RIPOR3: variants seen among roughly 807,000 people sequenced by gnomAD.
The protein encoded by RIPOR3 is RIPOR family member 3.
RIPOR3 carries 95 observed loss-of-function variants against 114.3 expected under a neutral mutation model. That is an observed-to-expected ratio of 0.83 (90% CI 0.70 to 0.99). The LOEUF is 0.99. RIPOR3 is among the 50% of genes least tolerant of loss of function. The pLI is 0.00. For missense variants in RIPOR3, 1,252 were observed against 1,266.9 expected, an observed-to-expected ratio of 0.99 and a Z score of 0.18; for synonymous variants, 575 against 543.8, an observed-to-expected ratio of 1.06 and a Z score of -0.80.
At chr20:50,615,248 G>T (rs576199542) in intron 4 of RIPOR3, among the ~76,000 whole-genome samples, 1 of 151,654 alleles carries the variant, frequency 6.6e-6, no homozygotes, top group Non-Finnish European at 1.5e-5. Context: ...GCCTTGGCTG[G>T]CACAGTGCCT....
At chr20:50,617,835 G>A (rs1051063757) in intron 3 of RIPOR3, among the ~76,000 whole-genome samples, 4 of 150,086 alleles carry the variant, frequency 2.7e-5, no homozygotes, top group Non-Finnish European at 5.9e-5. Flanking sequence ...TGTTGGCCAC[G>A]CTGGTCTCAA....
intron 17 of RIPOR3, 49 bp from the exon 18 acceptor site, chr20:50,593,245 C>CA (rs759656371): frequency 2.3e-5 from 36 of 1,583,028 alleles, no homozygotes; most frequent in African/African-American, 1.1e-4. Context: ...CTCGACCCTC[C>CA]ACGCTTCTCA....
Position 50,597,703 on chromosome 20 carries a change from C to T in RIPOR3, c.1667G>A (p.Arg556Lys), listed in dbSNP as rs1403774520. 3 of 1,612,250 alleles carry T rather than the reference C, an allele frequency of 1.9e-6. No homozygotes were observed. Among genetic ancestry groups the T allele is most frequent in the Admixed American group, 1.7e-5 (1 of 59,866 alleles). Residue 556 changes from arginine (R) to lysine (K), a missense_variant, in exon 14 of 22, where the codon AGA (arginine) becomes AAA (lysine). Arg to Lys is a conservative substitution (Grantham distance 26, BLOSUM62 2). Transcript: ENST00000327979. ...GGCCGAGGTGTGCTCCTGCCGTGCTCTGCAGGGCTGTGGACGAAGTGGCCA... is the reference window on the plus strand; with the variant it reads ...GGCCGAGGTGTGCTCCTGCCGTGCTTTGCAGGGCTGTGGACGAAGTGGCCA... ...LGFRDRLKPC[R>K]ARQEHTSAES... is the part of the protein sequence containing the mutation.
At chr20:50,679,364 C>A (rs1477586399) in intron 1 of RIPOR3, among the ~76,000 whole-genome samples, 1 of 150,478 alleles carries the variant, frequency 6.6e-6, no homozygotes, top group African/African-American at 2.4e-5. Flanking sequence ...TGGACTGGGC[C>A]GGGCACGGTG....
At chr20:50,605,001 C>A (rs931309883) in intron 11 of RIPOR3, among the ~76,000 whole-genome samples, 1 of 152,236 alleles carries the variant, frequency 6.6e-6, no homozygotes, top group Non-Finnish European at 1.5e-5. Context: ...CAGCTCACTG[C>A]ATCCTTGAAC....
At chr20:50,627,299 G>A (rs1464615261) in intron 2 of RIPOR3, among the ~76,000 whole-genome samples, 4 of 150,198 alleles carry the variant, frequency 2.7e-5, no homozygotes, top group South Asian at 2.1e-4. Flanking sequence ...TCAGGAGTTC[G>A]AGACCAGCCT....
intron 1 of RIPOR3, among the ~76,000 whole-genome samples, chr20:50,682,148 C>T (rs776300679): frequency 3.9e-5 from 6 of 152,112 alleles, no homozygotes; most frequent in East Asian, 1.9e-4. Context: ...AAAGCAGAAC[C>T]GTGTATGTAG....
In RIPOR3 at chr20:50,602,316, C is replaced by T. The variant is rs543434720; in HGVS notation, c.1415G>A (p.Gly472Asp). Residue 472 changes from glycine (G) to aspartate (D), a missense_variant, in exon 13 of 22, where the codon GGC becomes GAC. Transcript: ENST00000327979. This position sits in a 1 kb window ranked among gnomAD's most constrained non-coding sequence, Gnocchi z 4.3. ...LSGGPFAEQP[G>D]WRNLGGESPS... ...GCTCTCCCCTCCTAAGTTCCTCCAG[C>T]CAGGCTGCTCTGCAAACGGGCCTCC... 3.7e-6 allele frequency: 6 copies of T among 1,613,928 alleles called. No individual in the cohort carries two copies. The Admixed American group carries it at 8.3e-5, about 22-fold the overall frequency.
chr20:50,666,453 A>T lies in RIPOR3; in HGVS notation c.3+24673T>A, dbSNP rs569990137. Among the ~76,000 whole-genome samples the T allele has an allele frequency of 6.0e-5, 9 of 150,756 alleles. No homozygotes were observed. In the East Asian group the frequency reaches 1.6e-3, roughly 27 times the overall value. On this transcript the variant is annotated intron_variant, in intron 1 of 21. Coordinates refer to ENST00000327979, the MANE Select transcript of RIPOR3 (RefSeq NM_001290268.2). ...TGCTCAGGCTGGTCTCGAATTCCTG[A>T]CCTCAGGTGATCCACCTGCCCCGAC...
chr20:50,644,844 A>AT (rs34862675), intron 1 of RIPOR3, among the ~76,000 whole-genome samples: 16,826 of 136,448 alleles, frequency 0.12, 1,170 homozygotes, highest in East Asian at 0.21. Context: ...TTTATTTTTT[A>AT]TTTTTTTTTT....
At chr20:50,609,038 G>A (rs953801460) in intron 8 of RIPOR3, 83 bp from the exon 9 acceptor site, 29 of 1,532,308 alleles carry the variant, frequency 1.9e-5, no homozygotes, top group Middle Eastern at 3.4e-4. Context: ...GGGTTCCCCC[G>A]AGTATAGATT....
intron 1 of RIPOR3, among the ~76,000 whole-genome samples, chr20:50,669,578 G>A (rs903091021): frequency 2.6e-5 from 4 of 152,152 alleles, no homozygotes; most frequent in Non-Finnish European, 4.4e-5. Flanking sequence ...AGAAGTCACC[G>A]CTGCGCACTG....
At chr20:50,590,815 CTTTT>C (rs11476746) in intron 19 of RIPOR3, among the ~76,000 whole-genome samples, 4 of 131,674 alleles carry the variant, frequency 3.0e-5, no homozygotes, top group Admixed American at 7.5e-5. Context: ...GATGAAGGCC[CTTTT>C]TTTTTTTTTT....
In RIPOR3 at chr20:50,691,277, A is replaced by C. The variant is rs1458033206; in HGVS notation, c.-149T>G. 1 of 1,016,692 alleles carries C rather than the reference A, an allele frequency of 9.8e-7. No homozygotes were observed. The highest frequency in any genetic ancestry group is 1.3e-6 in the Non-Finnish European group (1 of 752,336). The allele number at this position is 1,016,692 out of a possible 1,614,324, so 63.0% of individuals were successfully genotyped here. A position where few individuals can be genotyped will look rare whatever the true frequency, so the allele number is the denominator to read the frequency against. ...TCTGCAAATTCCATCCACACTGGCCACCAGCCGCTGGTCCCGCTCTCTGGG... is the reference window on the plus strand; with the variant it reads ...TCTGCAAATTCCATCCACACTGGCCCCCAGCCGCTGGTCCCGCTCTCTGGG... On this transcript the variant is annotated 5_prime_UTR_variant, in exon 1 of 22. Transcript: ENST00000327979.
chr20:50,668,268 G>A (rs966173517), intron 1 of RIPOR3, among the ~76,000 whole-genome samples: 23 of 152,120 alleles, frequency 1.5e-4, no homozygotes, highest in African/African-American at 5.6e-4. Flanking sequence ...CTGTATCCTG[G>A]TCCTCAGCTC....
At chr20:50,671,434 A>G (rs1287590266) in intron 1 of RIPOR3, among the ~76,000 whole-genome samples, 333 of 11,880 alleles carry the variant, frequency 0.028, 2 homozygotes, top group African/African-American at 0.046. Flanking sequence ...GCGCGCACAC[A>G]CACACACACA....
At chr20:50,594,766 C>G in intron 16 of RIPOR3, 52 bp from the exon 17 acceptor site, 1 of 1,569,328 alleles carries the variant, frequency 6.4e-7, no homozygotes, top group Non-Finnish European at 8.7e-7. Flanking sequence ...GAGCACATGA[C>G]AAGGACCCGA....
At chr20:50,651,635 C>G (rs2085617229) in intron 1 of RIPOR3, among the ~76,000 whole-genome samples, 1 of 152,194 alleles carries the variant, frequency 6.6e-6, no homozygotes, top group Admixed American at 6.5e-5. Flanking sequence ...TGTCCACACT[C>G]CCTTCCTCAC....
chr20:50,615,119 G>GTGTGTGTGTGTT (rs1469307186), intron 4 of RIPOR3, among the ~76,000 whole-genome samples: 27 of 136,352 alleles, frequency 2.0e-4, no homozygotes, highest in African/African-American at 6.8e-4. Flanking sequence ...GTGTGTGTGT[G>GTGTGTGTGTGTT]TGTGTGTGTG....
Sources: gnomAD v4.1 joint callset for allele counts (sites outside exome capture counted in the v4.1 genomes callset) on GRCh38, gnomAD v4.1.1 for gene constraint, Gnocchi (gnomAD v3.1) non-coding constraint, MANE v1.5 for transcripts, NCBI Gene and HGNC (gene_info 2026-07-23, HGNC 2026-07-21) for gene names.